Variants in NHSL1 observed in about 807,000 individuals in gnomAD.
The protein encoded by NHSL1 is NHS like 1, also known as NHS-like protein 1.
Under a neutral mutation model 95.0 loss-of-function variants are expected in NHSL1, and 48 were observed. The observed-to-expected ratio is 0.51, with a 90% CI of 0.40 to 0.64. The LOEUF (loss-of-function observed/expected upper bound fraction) is 0.64, where lower values mean the gene tolerates loss of function less well. Among genes scored for constraint, NHSL1 ranks in the 30% least tolerant of loss-of-function variants. The pLI is 0.00. For synonymous variants in NHSL1, 783 were observed against 833.9 expected (o/e 0.94, Z 1.05); for missense variants, 1,971 against 2,077.7 (o/e 0.95, Z 1.00).
intron 1 of NHSL1, among the ~76,000 whole-genome samples, chr6:138,651,406 A>C (rs1785091464): frequency 6.6e-6 from 1 of 152,234 alleles, no homozygotes. Context: ...AGCTTCTTTC[A>C]TCAAGCCAAT....
intron 5 of NHSL1, among the ~76,000 whole-genome samples, chr6:138,439,341 A>G (rs2128211852): frequency 6.6e-6 from 1 of 152,272 alleles, no homozygotes. Flanking sequence ...TGTGTGTCTT[A>G]TATCTAGAAG....
intron 1 of NHSL1, among the ~76,000 whole-genome samples, chr6:138,624,547 G>A (rs188121183): frequency 3.3e-5 from 5 of 152,208 alleles, no homozygotes; most frequent in African/African-American, 1.2e-4. Flanking sequence ...AGATTACCTA[G>A]GGAAATCATG....
chr6:138,669,999 T>C (rs1303500523), intron 1 of NHSL1, among the ~76,000 whole-genome samples: 2 of 152,114 alleles, frequency 1.3e-5, no homozygotes, highest in Admixed American at 1.3e-4. Flanking sequence ...CATGTGCCTG[T>C]AATCCCAGCT....
intron 1 of NHSL1, among the ~76,000 whole-genome samples, chr6:138,671,185 G>C (rs1319286181): frequency 6.6e-6 from 1 of 151,964 alleles, no homozygotes; most frequent in Non-Finnish European, 1.5e-5. Context: ...GGTCGGGCGT[G>C]GTGGCTCACG....
At chr6:138,487,167 AG>A (rs562765872) in intron 2 of NHSL1, among the ~76,000 whole-genome samples, 26 of 152,348 alleles carry the variant, frequency 1.7e-4, no homozygotes, top group African/African-American at 6.0e-4. Context: ...TGGGGAGCAA[AG>A]GTGATTCTGC....
chr6:138,538,468 T>C (rs986201812), intron 1 of NHSL1, among the ~76,000 whole-genome samples: 1 of 152,206 alleles, frequency 6.6e-6, no homozygotes, highest in Non-Finnish European at 1.5e-5. Context: ...AAGCATCCTC[T>C]GGGCATCTGC....
chr6:138,446,046 T>C (rs1367610755), intron 4 of NHSL1, among the ~76,000 whole-genome samples: 2 of 151,994 alleles, frequency 1.3e-5, no homozygotes, highest in East Asian at 3.8e-4. Context: ...TTTTTTTTTT[T>C]TTTTTGAGGT....
chr6:138,661,991 T>C (rs1312000909), intron 1 of NHSL1, among the ~76,000 whole-genome samples: 4 of 152,124 alleles, frequency 2.6e-5, no homozygotes, highest in East Asian at 1.9e-4. Flanking sequence ...GAAGGATCAC[T>C]TGAGCCCACA....
In NHSL1 at chr6:138,595,294, C is replaced by T. The variant is rs563832574; in HGVS notation, c.96+97182G>A. On this transcript the variant is annotated intron_variant, in intron 1 of 3. Coordinates refer to the NHSL1 transcript ENST00000491526. ...AGAGAGTTAAAAGTAAAGATATAGGCTGGGTACAGTGGCTCATGCCCGTAA... is the reference window on the plus strand; with the variant it reads ...AGAGAGTTAAAAGTAAAGATATAGGTTGGGTACAGTGGCTCATGCCCGTAA... Among the ~76,000 whole-genome samples the T allele has an allele frequency of 2.6e-5, 4 of 152,314 alleles. No homozygotes were observed. In the South Asian group the frequency reaches 8.3e-4, roughly 32 times the overall value.
intron 1 of NHSL1, among the ~76,000 whole-genome samples, chr6:138,642,007 TG>T (rs1248444955): frequency 6.6e-6 from 1 of 152,192 alleles, no homozygotes; most frequent in Non-Finnish European, 1.5e-5. Context: ...TTATTACAAA[TG>T]AATTCTTTTT....
At chr6:138,606,816 C>A (rs1452982887) in intron 1 of NHSL1, among the ~76,000 whole-genome samples, 2 of 151,194 alleles carry the variant, frequency 1.3e-5, no homozygotes, top group African/African-American at 4.9e-5. Flanking sequence ...CATTCTCCTG[C>A]CTCAGCCTCT....
At chr6:138,604,883 C>G (rs1784414022) in intron 1 of NHSL1, among the ~76,000 whole-genome samples, 2 of 152,256 alleles carry the variant, frequency 1.3e-5, no homozygotes, top group East Asian at 1.9e-4. Context: ...GCCTCAGACT[C>G]CAAAGTGCTA....
chr6:138,509,674 A>T (rs1441344659), intron 1 of NHSL1, among the ~76,000 whole-genome samples: 2 of 152,214 alleles, frequency 1.3e-5, no homozygotes, highest in Non-Finnish European at 2.9e-5. Flanking sequence ...GTCAAGTCTC[A>T]AAAGAATATC....
intron 1 of NHSL1, among the ~76,000 whole-genome samples, chr6:138,630,472 G>A (rs533626941): frequency 6.6e-5 from 10 of 151,812 alleles, no homozygotes; most frequent in Non-Finnish European, 1.5e-4. Flanking sequence ...CGCAACCTCC[G>A]CCTCCCTGAT....
At chr6:138,525,391 G>A (rs983107222) in intron 1 of NHSL1, among the ~76,000 whole-genome samples, 6 of 151,742 alleles carry the variant, frequency 4.0e-5, no homozygotes, top group African/African-American at 1.2e-4. Flanking sequence ...AGCCAGGTGT[G>A]GTGGTGCACA....
chr6:138,440,794 G>T (rs374337459), intron 5 of NHSL1, among the ~76,000 whole-genome samples: 9 of 152,326 alleles, frequency 5.9e-5, no homozygotes, highest in African/African-American at 2.2e-4. Context: ...TGCTATCACA[G>T]ATATATCACT....
intron 1 of NHSL1, among the ~76,000 whole-genome samples, chr6:138,669,649 C>A (rs1207940716): frequency 6.6e-6 from 1 of 152,182 alleles, no homozygotes; most frequent in African/African-American, 2.4e-5. Context: ...GAATACAAAG[C>A]ACAGTTGAGA....
rs71009591 is a variant in NHSL1 at position 138,606,703 on chromosome 6, T to TTTC, written c.96+85772_96+85773insGAA. On this transcript the variant is annotated intron_variant, in intron 1 of 3. Transcript: ENST00000491526. ...CTACTTCTTTTTCTTTCTTTCTTTC[T>TTTC]TTTTTTTTTTTTTTTTTGAGACAGA... Among the ~76,000 whole-genome samples the TTTC allele has an allele frequency of 1.2e-3, 57 of 48,610 alleles. No individual in the cohort carries two copies. The East Asian group carries it at 0.033, about 28-fold the overall frequency. 31.9% of individuals were successfully genotyped at this position (48,610 alleles called of 152,430 possible).
intron 1 of NHSL1, among the ~76,000 whole-genome samples, chr6:138,523,848 T>A (rs1215718666): frequency 6.6e-6 from 1 of 152,164 alleles, no homozygotes; most frequent in East Asian, 1.9e-4. Flanking sequence ...TGCAGCCAAA[T>A]GGCAAGATTG....
Sources: gnomAD v4.1 joint callset for allele counts (sites outside exome capture counted in the v4.1 genomes callset) on GRCh38, gnomAD v4.1.1 for gene constraint, MANE v1.5 for transcripts, NCBI Gene and HGNC (gene_info 2026-07-23, HGNC 2026-07-21) for gene names.